PAPPA: variants seen among roughly 807,000 people sequenced by gnomAD.
PAPPA encodes the protein pappalysin-1.
In PAPPA, 60 loss-of-function variants were observed where a neutral mutation model predicts 164.0. The observed-to-expected ratio is 0.37, with a 90% CI of 0.30 to 0.45. PAPPA has a LOEUF of 0.45. Ranked by LOEUF, PAPPA falls within the 20% of genes least tolerant of loss-of-function variation. PAPPA has a pLI of 1.00. For missense variants in PAPPA, 1,782 were observed against 2,087.3 expected (o/e 0.85, Z 2.85); for synonymous variants, 875 against 814.1 (o/e 1.07, Z -1.27).
At chr9:116,258,949 C>T (rs567677972) in intron 7 of PAPPA, among the ~76,000 whole-genome samples, 1 of 152,084 alleles carries the variant, frequency 6.6e-6, no homozygotes, top group East Asian at 2.0e-4. Context: ...GCCTGGCCAA[C>T]ATGGTAAAAC....
intron 10 of PAPPA, among the ~76,000 whole-genome samples, chr9:116,326,072 G>T (rs559643853): frequency 6.6e-6 from 1 of 152,098 alleles, no homozygotes; most frequent in Non-Finnish European, 1.5e-5. Flanking sequence ...CTCTCTGACT[G>T]TTGGAGAGGA....
At chr9:116,380,282 A>G (rs1846710901) in intron 20 of PAPPA, among the ~76,000 whole-genome samples, 1 of 146,642 alleles carries the variant, frequency 6.8e-6, no homozygotes, top group African/African-American at 2.5e-5. Flanking sequence ...AGGATGGAAT[A>G]AGGATAAATG....
intron 15 of PAPPA, among the ~76,000 whole-genome samples, chr9:116,351,769 C>T (rs567401567): frequency 2.3e-4 from 35 of 152,292 alleles, no homozygotes; most frequent in Non-Finnish European, 3.1e-4. Context: ...CAGAAGCACT[C>T]GGTACATAGT....
At chr9:116,198,461 A>G (rs1357899069) in intron 2 of PAPPA, among the ~76,000 whole-genome samples, 1 of 152,250 alleles carries the variant, frequency 6.6e-6, no homozygotes, top group African/African-American at 2.4e-5. Context: ...TGTGCCAAGC[A>G]CAGTGCTAGG....
intron 10 of PAPPA, among the ~76,000 whole-genome samples, chr9:116,323,235 C>T (rs1845882045): frequency 6.6e-6 from 1 of 152,154 alleles, no homozygotes; most frequent in Non-Finnish European, 1.5e-5. Context: ...GAGGCGGGTG[C>T]TGGATGTAGC....
chr9:116,333,277 CAATGATATCCACCTTAGAGTCAG>C (rs1391686383), intron 12 of PAPPA, among the ~76,000 whole-genome samples: 1 of 152,182 alleles, frequency 6.6e-6, no homozygotes, highest in Non-Finnish European at 1.5e-5. Flanking sequence ...ACAGCAAGGA[CAATGATATCCACCTTAGAGTCAG>C]AGTGCACTAT....
At chr9:116,190,281 G>T in intron 2 of PAPPA, among the ~76,000 whole-genome samples, 1 of 152,318 alleles carries the variant, frequency 6.6e-6, no homozygotes, top group Non-Finnish European at 1.5e-5. Context: ...CGTGGGGTAG[G>T]ATGGGCATAA....
chr9:116,228,723 G>A (rs1844548002), intron 6 of PAPPA, among the ~76,000 whole-genome samples: 1 of 152,164 alleles, frequency 6.6e-6, no homozygotes, highest in African/African-American at 2.4e-5. Context: ...GACCTGAGAG[G>A]GATGCCTGGG....
intron 17 of PAPPA, among the ~76,000 whole-genome samples, chr9:116,357,670 T>C (rs112460767): frequency 2.0e-5 from 3 of 152,186 alleles, no homozygotes; most frequent in African/African-American, 2.4e-5. Flanking sequence ...AAGCTACTCA[T>C]CTCAGGATTT....
At chr9:116,340,353 C>T (rs891186488) in intron 13 of PAPPA, among the ~76,000 whole-genome samples, 1 of 152,220 alleles carries the variant, frequency 6.6e-6, no homozygotes, top group Non-Finnish European at 1.5e-5. Context: ...CCTTGTCCAA[C>T]TAACAGGATA....
intron 2 of PAPPA, among the ~76,000 whole-genome samples, chr9:116,195,642 C>T (rs1489685800): frequency 6.6e-6 from 1 of 152,172 alleles, no homozygotes; most frequent in Non-Finnish European, 1.5e-5. Flanking sequence ...CCTTTTAGGA[C>T]AGCACCTGGC....
Position 116,398,463 on chromosome 9 carries a change from A to AAT in PAPPA, c.*1848_*1849dup, listed in dbSNP as rs1846996516. ...TCCTGCATCCAAGGCAGGTGTTGTT[A>AAT]ATCTATCATAGCACTTAAAAAAAAA... On this transcript the variant is annotated 3_prime_UTR_variant, in exon 22 of 22. Coordinates refer to ENST00000328252, the MANE Select transcript of PAPPA (RefSeq NM_002581.5). 5.9e-6 allele frequency: 4 copies of AAT among 682,036 alleles called. No individual in the cohort carries two copies. In the South Asian group the frequency reaches 7.3e-5, roughly 12 times the overall value. The allele number at this position is 682,036 out of a possible 1,614,324, so 42.2% of individuals were successfully genotyped here. A position where few individuals can be genotyped will look rare whatever the true frequency, so the allele number is the denominator to read the frequency against.
intron 9 of PAPPA, among the ~76,000 whole-genome samples, chr9:116,302,528 G>A (rs775850306): frequency 1.1e-4 from 17 of 151,912 alleles, no homozygotes; most frequent in African/African-American, 2.9e-4. Flanking sequence ...TGGCCTCCAC[G>A]TTTCCTATAA....
intron 6 of PAPPA, among the ~76,000 whole-genome samples, chr9:116,232,964 A>G (rs1416005670): frequency 6.6e-6 from 1 of 152,188 alleles, no homozygotes; most frequent in East Asian, 1.9e-4. Flanking sequence ...CACCCCTGAC[A>G]GTCATTTTCT....
chr9:116,396,462 A>G lies in PAPPA; in HGVS notation c.4777-47A>G, dbSNP rs369130259. ...CCTGCGCTGCACTGCCTTTCTGATC[A>G]TTACTGCTTCAGACCAAATCACCTG... On this transcript the variant is annotated intron_variant, in intron 21 of 21. Coordinates refer to ENST00000328252, the MANE Select transcript of PAPPA (RefSeq NM_002581.5). 17 of 778,762 alleles carry G rather than the reference A, an allele frequency of 2.2e-5. No homozygotes were observed. The African/African-American group carries it at 2.9e-4, about 13-fold the overall frequency. 48.2% of individuals were successfully genotyped at this position (778,762 alleles called of 1,614,324 possible).
chr9:116,237,671 C>T (rs1434892629), intron 7 of PAPPA, among the ~76,000 whole-genome samples: 2 of 151,994 alleles, frequency 1.3e-5, no homozygotes, highest in Non-Finnish European at 2.9e-5. Flanking sequence ...TCTTCCGATG[C>T]CTCAACTTTG....
At chr9:116,333,541 C>G (rs909840082) in intron 12 of PAPPA, among the ~76,000 whole-genome samples, 2 of 152,162 alleles carry the variant, frequency 1.3e-5, no homozygotes, top group Non-Finnish European at 2.9e-5. Flanking sequence ...ATGAAGCAAG[C>G]CAGGCAAGGG....
At chr9:116,366,610 C>T (rs114553948) in intron 18 of PAPPA, among the ~76,000 whole-genome samples, 1,644 of 152,314 alleles carry the variant, frequency 0.011, 28 homozygotes, top group African/African-American at 0.038. Flanking sequence ...CTCTTGCACT[C>T]ATTTTACAAA....
intron 8 of PAPPA, among the ~76,000 whole-genome samples, chr9:116,267,163 A>AGTGTTAGT (rs1238176348): frequency 6.6e-6 from 1 of 152,244 alleles, no homozygotes; most frequent in Admixed American, 6.5e-5. Flanking sequence ...GAGACACATT[A>AGTGTTAGT]GATGACTCTT....
Sources: gnomAD v4.1 joint callset for allele counts (sites outside exome capture counted in the v4.1 genomes callset) on GRCh38, gnomAD v4.1.1 for gene constraint, MANE v1.5 for transcripts, NCBI Gene and HGNC (gene_info 2026-07-23, HGNC 2026-07-21) for gene names.